The following AGBL4 variants were observed in gnomAD, a reference collection of about 807,000 sequenced individuals.
AGBL4 encodes AGBL carboxypeptidase 4.
In AGBL4, 58 loss-of-function variants were observed where a neutral mutation model predicts 66.4. The ratio of observed to expected loss-of-function variants is 0.87; its 90% confidence interval spans 0.71 to 1.09. The LOEUF (loss-of-function observed/expected upper bound fraction) is 1.09. Among genes scored for constraint, AGBL4 ranks in the 50% least tolerant of loss-of-function variants. AGBL4 has a pLI of 0.00. For synonymous variants in AGBL4, 234 were observed against 222.9 expected, an observed-to-expected ratio of 1.05 and a Z score of -0.44; for missense variants, 579 against 631.0, an observed-to-expected ratio of 0.92 and a Z score of 0.88.
In AGBL4 at chr1:49,288,556, C is replaced by T. The variant is rs1293165067; in HGVS notation, c.283-42692G>A. On this transcript the variant is annotated intron_variant, in intron 3 of 13. Transcript: ENST00000371839. ...AATTCTGTGCAATTTTCCTTCAATT[C>T]ACTTGCAAAATTCTAAGCTGCTCAT... 3.3e-5 allele frequency among the ~76,000 whole-genome samples: 5 copies of T among 152,202 alleles called. No homozygotes were observed. In the South Asian group the frequency reaches 6.2e-4, roughly 19 times the overall value.
intron 6 of AGBL4, chr1:48,758,943 A>G (rs768199056): frequency 6.3e-7 from 1 of 1,586,280 alleles, no homozygotes; most frequent in South Asian, 1.2e-5. Context: ...GCCTCCGGTT[A>G]AGGTCACGGA....
chr1:50,011,359 T>C (rs1163272626), intron 1 of AGBL4, among the ~76,000 whole-genome samples: 1 of 152,138 alleles, frequency 6.6e-6, no homozygotes, highest in Non-Finnish European at 1.5e-5. Flanking sequence ...AGTTAAAATG[T>C]CTTATGTCAA....
At chr1:48,771,146 C>T (rs1644805659) in intron 6 of AGBL4, among the ~76,000 whole-genome samples, 2 of 152,300 alleles carry the variant, frequency 1.3e-5, no homozygotes, top group African/African-American at 4.8e-5. Context: ...GACTGACCAC[C>T]TAGTATAACT....
intron 6 of AGBL4, among the ~76,000 whole-genome samples, chr1:48,838,517 A>T (rs1174850926): frequency 6.6e-6 from 1 of 152,162 alleles, no homozygotes; most frequent in African/African-American, 2.4e-5. Context: ...CCTATCTCTC[A>T]CCATATATAA....
chr1:49,376,929 G>C (rs1644484114), intron 3 of AGBL4, among the ~76,000 whole-genome samples: 1 of 152,088 alleles, frequency 6.6e-6, no homozygotes, highest in Non-Finnish European at 1.5e-5. Context: ...AATATTTTAA[G>C]TGTTCAATAA....
intron 6 of AGBL4, among the ~76,000 whole-genome samples, chr1:48,835,008 T>C (rs930774129): frequency 2.6e-5 from 4 of 152,158 alleles, no homozygotes; most frequent in Admixed American, 2.0e-4. Context: ...TTCAAACAAA[T>C]GCCTTATCCT....
At chr1:48,644,339 C>T (rs1387870068) in intron 8 of AGBL4, among the ~76,000 whole-genome samples, 1 of 152,176 alleles carries the variant, frequency 6.6e-6, no homozygotes, top group Non-Finnish European at 1.5e-5. Context: ...CTTTCCCTAT[C>T]CCAACCCTCT....
intron 2 of AGBL4, among the ~76,000 whole-genome samples, chr1:49,824,390 G>C (rs1356045704): frequency 6.6e-6 from 1 of 152,182 alleles, no homozygotes; most frequent in Non-Finnish European, 1.5e-5. Context: ...CAGTTAACAA[G>C]TGTTTACTAA....
intron 3 of AGBL4, among the ~76,000 whole-genome samples, chr1:49,401,137 G>A (rs575467212): frequency 3.3e-5 from 5 of 152,244 alleles, no homozygotes; most frequent in South Asian, 2.1e-4. Context: ...ATTCACTCAC[G>A]TTCCACATGG....
chr1:49,761,439 C>G (rs1399652408), intron 2 of AGBL4, among the ~76,000 whole-genome samples: 1 of 152,118 alleles, frequency 6.6e-6, no homozygotes, highest in East Asian at 1.9e-4. Flanking sequence ...GAGCTCTAAT[C>G]CAACACATTA....
intron 3 of AGBL4, among the ~76,000 whole-genome samples, chr1:49,281,907 G>A (rs1644280526): frequency 6.6e-6 from 1 of 152,182 alleles, no homozygotes; most frequent in South Asian, 2.1e-4. Context: ...TCTGTGAGCT[G>A]CTTTAGCAAA....
intron 11 of AGBL4, among the ~76,000 whole-genome samples, chr1:48,546,700 T>C (rs1461953699): frequency 6.6e-6 from 1 of 152,196 alleles, no homozygotes; most frequent in Admixed American, 6.5e-5. Context: ...TCTGTAAATA[T>C]GAATTTACTC....
intron 3 of AGBL4, among the ~76,000 whole-genome samples, chr1:49,532,719 C>T (rs960162024): frequency 6.6e-6 from 1 of 152,052 alleles, no homozygotes; most frequent in African/African-American, 2.4e-5. Flanking sequence ...AGGCATTGTC[C>T]TGGAAGCTTT....
intron 1 of AGBL4, among the ~76,000 whole-genome samples, chr1:49,978,713 T>C (rs1658793564): frequency 6.6e-6 from 1 of 152,212 alleles, no homozygotes; most frequent in South Asian, 2.1e-4. Flanking sequence ...TAAGATATAC[T>C]GTGTATACAC....
At position 49,899,618 on chromosome 1, in the gene AGBL4, TA is replaced by T. The variant is rs563960266; in HGVS notation, c.35-48101del. Among the ~76,000 whole-genome samples the T allele has an allele frequency of 3.1e-3, 473 of 152,350 alleles. 1 individual carries two copies. Among genetic ancestry groups the T allele is most frequent in the Middle Eastern group, 6.8e-3 (2 of 294 alleles). ...TTTATCTGTAAAACTAAGGACATCA[TA>T]TTAAATGACGGCTTTCTTTGCCTAT... On this transcript the variant is annotated intron_variant, in intron 1 of 13. Transcript: ENST00000371839.
chr1:49,304,670 A>C (rs1409478969), intron 3 of AGBL4, among the ~76,000 whole-genome samples: 27 of 152,236 alleles, frequency 1.8e-4, no homozygotes, highest in Admixed American at 1.8e-3. Context: ...TGTGAAATGC[A>C]AATTTAAAAA....
At chr1:49,843,290 C>T (rs1646047447) in intron 2 of AGBL4, among the ~76,000 whole-genome samples, 1 of 127,950 alleles carries the variant, frequency 7.8e-6, no homozygotes, top group Non-Finnish European at 1.7e-5. Context: ...CCATGCCTAG[C>T]TAATTTTGTG....
At chr1:49,618,856 G>A (rs1283464160) in intron 3 of AGBL4, among the ~76,000 whole-genome samples, 1 of 151,980 alleles carries the variant, frequency 6.6e-6, no homozygotes, top group Non-Finnish European at 1.5e-5. Context: ...ATAAACAGAA[G>A]CAATGACAAA....
intron 7 of AGBL4, among the ~76,000 whole-genome samples, chr1:48,659,117 C>T (rs891911098): frequency 6.6e-6 from 1 of 152,112 alleles, no homozygotes; most frequent in African/African-American, 2.4e-5. Context: ...TGCCCAGTGA[C>T]CTGGTGGAAT....
Sources: allele counts gnomAD v4.1 joint callset (sites outside exome capture counted in the v4.1 genomes callset), GRCh38; gene constraint gnomAD v4.1.1; transcripts MANE v1.5; gene names NCBI Gene and HGNC (gene_info 2026-07-23, HGNC 2026-07-21).